Variants in AFAP1L2 observed in about 807,000 individuals in gnomAD.
AFAP1L2 encodes the protein actin filament associated protein 1 like 2.
AFAP1L2 carries 46 observed loss-of-function variants against 99.3 expected under a neutral mutation model. That is an observed-to-expected ratio of 0.46 (90% CI 0.37 to 0.59). The LOEUF is 0.59. AFAP1L2 is among the 20% of genes least tolerant of loss of function. The pLI is 0.00. For missense variants in AFAP1L2, 959 were observed against 1,034.9 expected, an observed-to-expected ratio of 0.93 and a Z score of 1.01; for synonymous variants, 397 against 419.1, an observed-to-expected ratio of 0.95 and a Z score of 0.64.
At chr10:114,309,628 C>CA (rs397809832) in intron 8 of AFAP1L2, among the ~76,000 whole-genome samples, 7 of 152,124 alleles carry the variant, frequency 4.6e-5, no homozygotes, top group South Asian at 2.1e-4. Flanking sequence ...TAAAGCTCCC[C>CA]GAAAGCACCA....
At chr10:114,374,732 G>C (rs1175856518) in intron 1 of AFAP1L2, among the ~76,000 whole-genome samples, 1 of 151,698 alleles carries the variant, frequency 6.6e-6, no homozygotes, top group African/African-American at 2.4e-5. Flanking sequence ...CCAACTAAGA[G>C]CTGGAAGGGG....
intron 1 of AFAP1L2, among the ~76,000 whole-genome samples, chr10:114,355,205 G>A (rs7086636): frequency 0.096 from 14,591 of 151,262 alleles, 1,880 homozygotes; most frequent in African/African-American, 0.29. Flanking sequence ...GGATGGATGC[G>A]GGTGGGGGGA....
Position 114,300,180 on chromosome 10 carries a change from C to A in AFAP1L2, c.1957+14G>T. 6.2e-7 allele frequency: 1 copy of A among 1,614,132 alleles called. No homozygotes were observed. The highest frequency in any genetic ancestry group is 1.1e-5 in the South Asian group (1 of 91,068). ...TACAGATGGAATCGGGCTAACTTCC[C>A]CAAGCACAAGTACCTGCACTGGTCA... On this transcript the variant is annotated intron_variant, in intron 15 of 18. Coordinates refer to ENST00000304129, the MANE Select transcript of AFAP1L2 (RefSeq NM_001001936.3).
At chr10:114,364,120 C>T (rs1330889566) in intron 1 of AFAP1L2, among the ~76,000 whole-genome samples, 1 of 152,196 alleles carries the variant, frequency 6.6e-6, no homozygotes, top group Non-Finnish European at 1.5e-5. Context: ...CTGACATTCT[C>T]CTGTGCAGGC....
Position 114,298,651 on chromosome 10 carries a change from C to T in AFAP1L2, c.2113+609G>A, listed in dbSNP as rs187720728. ...GTCCCTTGGGCTCAGGAGCTCTAGA[C>T]CAGCCTGGGCAACATTGCAAGACCC... On this transcript the variant is annotated intron_variant, in intron 16 of 18. Transcript: ENST00000304129. Among the ~76,000 whole-genome samples the T allele has an allele frequency of 3.3e-4, 50 of 152,232 alleles. No homozygotes were observed. The East Asian group carries it at 9.1e-3, about 28-fold the overall frequency.
chr10:114,321,833 A>G (rs949796354), intron 5 of AFAP1L2, among the ~76,000 whole-genome samples: 1 of 152,214 alleles, frequency 6.6e-6, no homozygotes, highest in African/African-American at 2.4e-5. Flanking sequence ...CCAAGGACAG[A>G]GGGTGTTAGC....
chr10:114,399,796 A>G (rs1407841141), intron 1 of AFAP1L2, among the ~76,000 whole-genome samples: 1 of 152,092 alleles, frequency 6.6e-6, no homozygotes, highest in Non-Finnish European at 1.5e-5. Flanking sequence ...TCCTAAACTG[A>G]CCTTTGCTGG....
At chr10:114,351,269 G>A (rs1334469) in intron 1 of AFAP1L2, among the ~76,000 whole-genome samples, 59,515 of 152,060 alleles carry the variant, frequency 0.39, 13,535 homozygotes, top group East Asian at 0.63. Context: ...GAGTTTTTAC[G>A]CAGAGAAAAG....
chr10:114,394,648 G>GAGGA (rs2057499863), intron 1 of AFAP1L2, among the ~76,000 whole-genome samples: 1 of 152,086 alleles, frequency 6.6e-6, no homozygotes, highest in Non-Finnish European at 1.5e-5. Flanking sequence ...GAGAGGGAGG[G>GAGGA]AGGAAGCAAG....
chr10:114,308,155 C>T (rs1035550940), intron 9 of AFAP1L2, among the ~76,000 whole-genome samples: 1 of 152,188 alleles, frequency 6.6e-6, no homozygotes, highest in Non-Finnish European at 1.5e-5. Flanking sequence ...AATATGCAAC[C>T]ACTTGAGAAT....
intron 6 of AFAP1L2, among the ~76,000 whole-genome samples, chr10:114,315,339 A>T (rs2043948664): frequency 6.6e-6 from 1 of 152,164 alleles, no homozygotes; most frequent in African/African-American, 2.4e-5. Flanking sequence ...CCCCTTTGAG[A>T]ACTTGATGAA....
chr10:114,379,938 T>C (rs1004599483), intron 1 of AFAP1L2, among the ~76,000 whole-genome samples: 1 of 152,186 alleles, frequency 6.6e-6, no homozygotes, highest in Non-Finnish European at 1.5e-5. Flanking sequence ...TTATGGGGCT[T>C]TGTATGTTTT....
chr10:114,326,025 C>CCG (rs60778514), intron 4 of AFAP1L2: 1 of 1,288,206 alleles, frequency 7.8e-7, no homozygotes, highest in Non-Finnish European at 1.0e-6. Context: ...GAGATCTGGC[C>CCG]CAAGGTCAGG....
intron 1 of AFAP1L2, 137 bp downstream of exon 1, chr10:114,404,303 A>T (rs954215267): frequency 3.9e-6 from 4 of 1,033,976 alleles, no homozygotes; most frequent in Admixed American, 4.0e-5. Flanking sequence ...GCCCCCTCTT[A>T]GGCCCAGGTC....
Position 114,313,856 on chromosome 10 carries a change from C to A in AFAP1L2, c.792+15G>T, listed in dbSNP as rs189890642. On this transcript the variant is annotated intron_variant, in intron 7 of 18. Transcript: ENST00000304129. ...ACTCTAGGAACCCCTCCAAGTGGCTCGGTGTCGCCCTCACCCTGAGCCACT... is the reference window on the plus strand; with the variant it reads ...ACTCTAGGAACCCCTCCAAGTGGCTAGGTGTCGCCCTCACCCTGAGCCACT... 2 of 1,580,216 alleles carry A rather than the reference C, an allele frequency of 1.3e-6. No homozygotes were observed. The highest frequency in any genetic ancestry group is 1.3e-5 in the African/African-American group (1 of 74,418).
At chr10:114,282,426 A>C in the AFAP1L2 span, 6 of 1,040,034 alleles carry the variant, frequency 5.8e-6, no homozygotes, top group African/African-American at 3.1e-5. Flanking sequence ...GGAATCTTCT[A>C]TCAGCTTTTG....
At chr10:114,404,394 G>C in intron 1 of AFAP1L2, 46 bp downstream of exon 1, 1 of 1,528,330 alleles carries the variant, frequency 6.5e-7, no homozygotes, top group Middle Eastern at 1.7e-4. Flanking sequence ...GCGTCGCTGG[G>C]CGAAAGGGAG....
chr10:114,353,512 ACCATCC>A (rs780786884), intron 1 of AFAP1L2, among the ~76,000 whole-genome samples: 34 of 152,342 alleles, frequency 2.2e-4, no homozygotes, highest in Non-Finnish European at 3.8e-4. Context: ...AGTAGGCATT[ACCATCC>A]CCAGATTTGA....
chr10:114,287,920 G>A, the AFAP1L2 span, among the ~76,000 whole-genome samples: 1 of 152,108 alleles, frequency 6.6e-6, no homozygotes, highest in Non-Finnish European at 1.5e-5. Context: ...ATCCCATCCA[G>A]GACCCCACAG....
Sources: gnomAD v4.1 joint callset for allele counts (sites outside exome capture counted in the v4.1 genomes callset) on GRCh38, gnomAD v4.1.1 for gene constraint, MANE v1.5 for transcripts, NCBI Gene and HGNC (gene_info 2026-07-23, HGNC 2026-07-21) for gene names.